The following C12orf42 variants were observed in gnomAD, a reference collection of about 807,000 sequenced individuals.
The protein encoded by C12orf42 is uncharacterized protein C12orf42.
C12orf42 carries 25 observed loss-of-function variants against 21.6 expected under a neutral mutation model. The ratio of observed to expected loss-of-function variants is 1.16; its 90% CI spans 0.84 to 1.62. The LOEUF (loss-of-function observed/expected upper bound fraction) is 1.62, where lower values mean the gene tolerates loss of function less well. Ranked by LOEUF, C12orf42 falls within the 40% of genes most tolerant of loss-of-function variation. C12orf42 has a pLI of 0.00. For missense variants in C12orf42, 483 were observed against 459.3 expected (o/e 1.05, Z -0.47); for synonymous variants, 174 against 175.0 (o/e 0.99, Z 0.05).
In C12orf42 at chr12:103,255,803, G is replaced by A. The variant is rs1388434730; in HGVS notation, c.*1366+7523C>T. 4.6e-5 allele frequency among the ~76,000 whole-genome samples: 7 copies of A among 151,446 alleles called. No individual in the cohort carries two copies. The East Asian group carries it at 1.2e-3, about 25-fold the overall frequency. On this transcript the variant is annotated intron_variant and NMD_transcript_variant, in intron 10 of 10. Transcript: ENST00000547347. ...GCGATGGCTCACGCCTGTAATCCCAGCACTTTGGGAGGCCGAGGCGGGTGG... is the reference window on the plus strand; with the variant it reads ...GCGATGGCTCACGCCTGTAATCCCAACACTTTGGGAGGCCGAGGCGGGTGG...
At chr12:103,401,584 C>T in intron 3 of C12orf42, 23 bp downstream of exon 3, 5 of 1,609,548 alleles carry the variant, frequency 3.1e-6, no homozygotes, top group Non-Finnish European at 4.3e-6. Context: ...AGCAGCCCTG[C>T]ACATAACATT....
At chr12:103,501,426 T>C in the C12orf42 span, among the ~76,000 whole-genome samples, 1 of 152,198 alleles carries the variant, frequency 6.6e-6, no homozygotes, top group Non-Finnish European at 1.5e-5. Context: ...TGAAGGGGGC[T>C]AAATGGTAAA....
chr12:103,194,876 T>C, the C12orf42 span, among the ~76,000 whole-genome samples: 3 of 152,144 alleles, frequency 2.0e-5, no homozygotes, highest in African/African-American at 7.2e-5. Context: ...GGGTTTGGTG[T>C]TCAGATTATT....
chr12:103,532,312 G>A, the C12orf42 span, among the ~76,000 whole-genome samples: 9 of 152,120 alleles, frequency 5.9e-5, no homozygotes, highest in Non-Finnish European at 8.8e-5. Context: ...ATGGGAAAAC[G>A]TTTATAACAT....
At chr12:103,195,636 G>T in the C12orf42 span, among the ~76,000 whole-genome samples, 6 of 151,744 alleles carry the variant, frequency 4.0e-5, no homozygotes, top group Admixed American at 6.6e-5. Flanking sequence ...TTTTTTAATG[G>T]GGTTGTTTTT....
the C12orf42 span, among the ~76,000 whole-genome samples, chr12:103,137,162 A>T: frequency 6.6e-6 from 1 of 152,202 alleles, no homozygotes; most frequent in African/African-American, 2.4e-5. Flanking sequence ...TGAGGAATTC[A>T]AACAACTCAA....
the C12orf42 span, among the ~76,000 whole-genome samples, chr12:103,546,277 G>A: frequency 6.6e-6 from 1 of 152,136 alleles, no homozygotes; most frequent in Non-Finnish European, 1.5e-5. Context: ...TGAAAATGAG[G>A]TTACAGATTT....
chr12:103,421,540 C>T (rs1414703440), intron 2 of C12orf42, among the ~76,000 whole-genome samples: 2 of 151,698 alleles, frequency 1.3e-5, no homozygotes, highest in Non-Finnish European at 2.9e-5. Context: ...CACCACTGCA[C>T]TCCAGTCTGG....
intron 2 of C12orf42, among the ~76,000 whole-genome samples, chr12:103,446,795 T>A (rs11111585): frequency 0.17 from 26,419 of 151,932 alleles, 2,727 homozygotes; most frequent in African/African-American, 0.29. Flanking sequence ...AAAGGACTAG[T>A]CCAACAGGAA....
chr12:103,380,521 G>A (rs1262725145), intron 3 of C12orf42, among the ~76,000 whole-genome samples: 7 of 152,156 alleles, frequency 4.6e-5, no homozygotes, highest in African/African-American at 1.4e-4. Flanking sequence ...CCAGAGTGGG[G>A]AAATTATTTA....
the C12orf42 span, among the ~76,000 whole-genome samples, chr12:103,104,250 A>G: frequency 1.3e-5 from 2 of 152,344 alleles, no homozygotes; most frequent in South Asian, 2.1e-4. Context: ...GCATACACGT[A>G]TTGATGAAAT....
At chr12:103,408,746 C>T (rs1421855314) in intron 2 of C12orf42, among the ~76,000 whole-genome samples, 1 of 152,062 alleles carries the variant, frequency 6.6e-6, no homozygotes, top group Non-Finnish European at 1.5e-5. Flanking sequence ...CTTAAAGTTT[C>T]AACAAACTGT....
intron 2 of C12orf42, 88 bp from the exon 3 acceptor site, chr12:103,401,763 T>A (rs532513150): frequency 8.1e-7 from 1 of 1,241,192 alleles, no homozygotes; most frequent in African/African-American, 1.5e-5. Flanking sequence ...TTTAGGCAGA[T>A]CAGAAGCTAA....
At chr12:103,447,040 G>A (rs1565842735) in intron 2 of C12orf42, among the ~76,000 whole-genome samples, 1 of 151,864 alleles carries the variant, frequency 6.6e-6, no homozygotes, top group Non-Finnish European at 1.5e-5. Flanking sequence ...AACATTCTAT[G>A]CAACAACTGC....
chr12:103,472,716 A>G lies in C12orf42; in HGVS notation c.78+5633T>C, dbSNP rs1171473750. Among the ~76,000 whole-genome samples the G allele has an allele frequency of 2.0e-5, 3 of 152,336 alleles. No individual in the cohort carries two copies. The East Asian group carries it at 5.8e-4, about 29-fold the overall frequency. On this transcript the variant is annotated intron_variant, in intron 2 of 5. Coordinates refer to ENST00000548883, the MANE Select transcript of C12orf42 (RefSeq NM_198521.5). ...AAAAGTGCACAAGACAGCACTGGAGATGGAAAGGCCATAGCAATTATAGAC... is the reference window on the plus strand; with the variant it reads ...AAAAGTGCACAAGACAGCACTGGAGGTGGAAAGGCCATAGCAATTATAGAC...
the C12orf42 span, among the ~76,000 whole-genome samples, chr12:103,557,250 C>T: frequency 1.3e-5 from 2 of 152,058 alleles, no homozygotes; most frequent in Non-Finnish European, 2.9e-5. Context: ...GTTTAGAAAC[C>T]ACAGAAAATA....
intron 3 of C12orf42, among the ~76,000 whole-genome samples, chr12:103,389,728 G>A (rs2046910619): frequency 6.6e-6 from 1 of 152,164 alleles, no homozygotes; most frequent in African/African-American, 2.4e-5. Context: ...GGTCACAGGG[G>A]CAGGGGGCTC....
chr12:103,515,842 G>T, the C12orf42 span, among the ~76,000 whole-genome samples: 2 of 152,012 alleles, frequency 1.3e-5, no homozygotes, highest in African/African-American at 2.4e-5. Context: ...AAGAAAGAAG[G>T]GCTATTAATG....
chr12:103,543,880 G>T, the C12orf42 span, among the ~76,000 whole-genome samples: 3 of 101,590 alleles, frequency 3.0e-5, no homozygotes, highest in East Asian at 8.9e-4. Context: ...TGGTTTTTGG[G>T]TTTTTTTTTT....
Sources: gnomAD v4.1 joint callset for allele counts (sites outside exome capture counted in the v4.1 genomes callset) on GRCh38, gnomAD v4.1.1 for gene constraint, MANE v1.5 for transcripts, NCBI Gene and HGNC (gene_info 2026-07-23, HGNC 2026-07-21) for gene names.